The following RIT2 variants were observed in gnomAD, a reference collection of about 807,000 sequenced individuals.
RIT2 encodes the protein GTP-binding protein Rit2.
In RIT2, 24 loss-of-function variants were observed where a neutral mutation model predicts 23.7. The ratio of observed to expected loss-of-function variants is 1.01; its 90% CI spans 0.73 to 1.43. The LOEUF (loss-of-function observed/expected upper bound fraction) is 1.43. RIT2 is among the 40% of genes most tolerant of loss of function. RIT2 has a pLI of 0.00. For synonymous variants in RIT2, 107 were observed against 91.1 expected (o/e 1.17, Z -0.99); for missense variants, 236 against 266.9 (o/e 0.88, Z 0.81).
At chr18:42,984,244 T>C (rs1185290059) in intron 2 of RIT2, among the ~76,000 whole-genome samples, 1 of 152,102 alleles carries the variant, frequency 6.6e-6, no homozygotes, top group African/African-American at 2.4e-5. Context: ...CAGTGGAGTA[T>C]AATTGATACA....
intron 4 of RIT2, among the ~76,000 whole-genome samples, chr18:42,829,125 T>G (rs1051751633): frequency 2.0e-5 from 3 of 152,134 alleles, no homozygotes; most frequent in Non-Finnish European, 2.9e-5. Flanking sequence ...ATATTACAGA[T>G]GGATTGGAGC....
intron 4 of RIT2, among the ~76,000 whole-genome samples, chr18:42,845,746 CA>C (rs1213473010): frequency 4.6e-5 from 7 of 151,070 alleles, no homozygotes; most frequent in African/African-American, 1.7e-4. Context: ...TCATTAAATA[CA>C]AAAGGTAATT....
At chr18:43,078,658 G>A (rs1304597046) in intron 1 of RIT2, among the ~76,000 whole-genome samples, 8 of 152,168 alleles carry the variant, frequency 5.3e-5, no homozygotes, top group Admixed American at 5.2e-4. Context: ...TGGCCACAGG[G>A]TGCAGGCAAA....
chr18:43,042,249 G>T (rs1455323788), intron 1 of RIT2, among the ~76,000 whole-genome samples: 2 of 152,082 alleles, frequency 1.3e-5, no homozygotes, highest in African/African-American at 4.8e-5. Context: ...ATGTGAAGAG[G>T]GAAGAGAGAT....
intron 4 of RIT2, among the ~76,000 whole-genome samples, chr18:42,906,387 A>G (rs952748864): frequency 1.3e-5 from 2 of 152,168 alleles, no homozygotes; most frequent in Admixed American, 6.5e-5. Context: ...AACTGCTTAA[A>G]TCATATTACA....
chr18:43,055,810 A>G (rs1912488271), intron 1 of RIT2, among the ~76,000 whole-genome samples: 1 of 152,126 alleles, frequency 6.6e-6, no homozygotes, highest in African/African-American at 2.4e-5. Context: ...TCCAAGGAAC[A>G]TAAAACTTCA....
At chr18:42,842,839 AGCT>A (rs942748775) in intron 4 of RIT2, among the ~76,000 whole-genome samples, 17 of 152,208 alleles carry the variant, frequency 1.1e-4, no homozygotes, top group African/African-American at 4.1e-4. Flanking sequence ...TGATGACTTC[AGCT>A]GAGCCTCTTA....
chr18:42,771,118 C>T (rs944363654), intron 4 of RIT2, among the ~76,000 whole-genome samples: 21 of 152,088 alleles, frequency 1.4e-4, no homozygotes, highest in South Asian at 4.1e-4. Context: ...CATCAAACTA[C>T]GTAATTTTTT....
Position 43,044,276 on chromosome 18 carries a change from A to C in RIT2, c.104-10409T>G, listed in dbSNP as rs1011149125. 1.8e-4 allele frequency among the ~76,000 whole-genome samples: 27 copies of C among 152,216 alleles called. 1 individual carries two copies. Among genetic ancestry groups the C allele is most frequent in the African/African-American group, 6.5e-4 (27 of 41,464 alleles). On this transcript the variant is annotated intron_variant, in intron 1 of 4. Transcript: ENST00000326695. ...TAAGAGGTATCCCGATCCCACTTTA[A>C]TGACAGCTTTCATTTTTTTTCTAAT...
chr18:43,001,784 C>T (rs1049927767), intron 2 of RIT2, among the ~76,000 whole-genome samples: 2 of 151,142 alleles, frequency 1.3e-5, no homozygotes, highest in African/African-American at 2.4e-5. Context: ...GATTTTGTGT[C>T]AAAGGGCCAT....
chr18:42,985,309 T>C (rs1405361125), intron 2 of RIT2, among the ~76,000 whole-genome samples: 2 of 152,270 alleles, frequency 1.3e-5, no homozygotes, highest in East Asian at 3.9e-4. Flanking sequence ...GCCATGTTTA[T>C]GGGTTGGATG....
In RIT2 at chr18:42,875,219, T is replaced by C. The variant is rs191078461; in HGVS notation, c.426+48353A>G. ...AGCATGACATTCCTGTCCTTTGAGA[T>C]AAGTAACAATGGATATGCTCTTGTG... is the stretch of plus-strand genomic sequence containing the variant. On this transcript the variant is annotated intron_variant, in intron 4 of 4. Transcript: ENST00000326695. 3.9e-5 allele frequency among the ~76,000 whole-genome samples: 6 copies of C among 152,188 alleles called. No individual in the cohort carries two copies. The East Asian group carries it at 9.7e-4, about 24-fold the overall frequency.
chr18:42,896,137 G>A (rs188322974), intron 4 of RIT2, among the ~76,000 whole-genome samples: 111 of 152,276 alleles, frequency 7.3e-4, no homozygotes, highest in South Asian at 1.0e-3. Context: ...GGTGGCAAGC[G>A]CCTGTAATCC....
rs181239141 is a variant in RIT2 at position 42,993,099 on chromosome 18, C to A, written c.161-18952G>T. 2.5e-3 allele frequency among the ~76,000 whole-genome samples: 377 copies of A among 152,334 alleles called. 1 individual carries two copies. Among genetic ancestry groups the A allele is most frequent in the African/African-American group, 8.5e-3 (354 of 41,578 alleles). On this transcript the variant is annotated intron_variant, in intron 2 of 4. Coordinates refer to ENST00000326695, the MANE Select transcript of RIT2 (RefSeq NM_002930.4). ...ACACAAGAACTTCCAAACGCCTGAA[C>A]CGCAGCAGCCAGGTGTTCCTCCAGA... is the stretch of plus-strand genomic sequence containing the variant.
At chr18:43,038,109 G>T (rs561185571) in intron 1 of RIT2, among the ~76,000 whole-genome samples, 132 of 151,356 alleles carry the variant, frequency 8.7e-4, no homozygotes, top group African/African-American at 2.8e-3. Context: ...GGAGGCTGAG[G>T]CAGGAGAATA....
intron 3 of RIT2, among the ~76,000 whole-genome samples, chr18:42,963,769 ACC>A (rs2144189642): frequency 1.3e-5 from 2 of 152,000 alleles, no homozygotes; most frequent in Non-Finnish European, 2.9e-5. Flanking sequence ...GGTGGCAGGC[ACC>A]CATAATCCCA....
chr18:42,804,055 C>G (rs1004604837), intron 4 of RIT2, among the ~76,000 whole-genome samples: 1 of 152,140 alleles, frequency 6.6e-6, no homozygotes, highest in South Asian at 2.1e-4. Context: ...ATGAATCAAG[C>G]CATTTATAAG....
At position 42,891,861 on chromosome 18, in the gene RIT2, A is replaced by G. The variant is rs1908186841; in HGVS notation, c.426+31711T>C. Among the ~76,000 whole-genome samples, 2 of 152,134 alleles carry G rather than the reference A, an allele frequency of 1.3e-5. 1 individual carries two copies. The highest frequency in any genetic ancestry group is 2.9e-5 in the Non-Finnish European group (2 of 68,014). Reference sequence around the variant, plus strand: ...CAAAACCCATATAATGTACAACAATAAGAGTGAATCCAATTATAGGACATG... The same window carrying G: ...CAAAACCCATATAATGTACAACAATGAGAGTGAATCCAATTATAGGACATG... On this transcript the variant is annotated intron_variant, in intron 4 of 4. Transcript: ENST00000326695.
chr18:42,744,776 T>C (rs1442618679), intron 4 of RIT2, among the ~76,000 whole-genome samples: 1 of 152,160 alleles, frequency 6.6e-6, no homozygotes, highest in Non-Finnish European at 1.5e-5. Flanking sequence ...TAAAAAATAA[T>C]AATCTATCAA....
Sources: allele counts gnomAD v4.1 joint callset (sites outside exome capture counted in the v4.1 genomes callset), GRCh38; gene constraint gnomAD v4.1.1; transcripts MANE v1.5; gene names NCBI Gene and HGNC (gene_info 2026-07-23, HGNC 2026-07-21).